Variants in ST8SIA2 observed in about 807,000 individuals in gnomAD.
The protein encoded by ST8SIA2 is alpha-2,8-sialyltransferase 8B.
ST8SIA2 carries 22 observed loss-of-function variants against 37.6 expected under a neutral mutation model. That is an observed-to-expected ratio of 0.58 (90% CI 0.42 to 0.83). The LOEUF (loss-of-function observed/expected upper bound fraction) is 0.83. Ranked by LOEUF, ST8SIA2 falls within the 40% of genes least tolerant of loss-of-function variation. The probability of loss-of-function intolerance (pLI) is 0.00; values close to 1 mark genes in which losing one functional copy is unlikely to be tolerated. For missense variants in ST8SIA2, 382 were observed against 484.7 expected (o/e 0.79, Z 1.99); for synonymous variants, 205 against 201.2 (o/e 1.02, Z -0.16).
intron 1 of ST8SIA2, among the ~76,000 whole-genome samples, chr15:92,407,805 G>A (rs1386580758): frequency 6.6e-6 from 1 of 152,178 alleles, no homozygotes; most frequent in Non-Finnish European, 1.5e-5. Flanking sequence ...TTCTATTTAG[G>A]GCAAGGGATA....
intron 1 of ST8SIA2, among the ~76,000 whole-genome samples, chr15:92,399,465 A>T (rs2141795520): frequency 6.6e-6 from 1 of 152,338 alleles, no homozygotes; most frequent in South Asian, 2.1e-4. Context: ...GGCAGCAACT[A>T]CTGCCAACAG....
At chr15:92,428,337 T>C (rs1004511421) in intron 1 of ST8SIA2, among the ~76,000 whole-genome samples, 3 of 152,218 alleles carry the variant, frequency 2.0e-5, no homozygotes, top group Non-Finnish European at 4.4e-5. Context: ...CCGTGATGTT[T>C]TTTCTGTCTA....
chr15:92,450,468 G>A (rs1234520983), intron 5 of ST8SIA2, among the ~76,000 whole-genome samples: 1 of 152,188 alleles, frequency 6.6e-6, no homozygotes, highest in Non-Finnish European at 1.5e-5. Flanking sequence ...TTAATTGGCT[G>A]ACAGTTCTGC....
chr15:92,452,595 C>G (rs2049889472), intron 5 of ST8SIA2, among the ~76,000 whole-genome samples: 1 of 152,194 alleles, frequency 6.6e-6, no homozygotes, highest in Non-Finnish European at 1.5e-5. Context: ...CTGATGAATG[C>G]TTAAAGATGG....
intron 5 of ST8SIA2, among the ~76,000 whole-genome samples, chr15:92,456,766 C>T (rs556488851): frequency 4.6e-5 from 7 of 152,256 alleles, no homozygotes; most frequent in South Asian, 4.1e-4. Flanking sequence ...CTCACAAGCC[C>T]GATGGAGGCT....
Position 92,393,966 on chromosome 15 carries a change from C to G in ST8SIA2, c.-99C>G. 2 of 740,846 alleles carry G rather than the reference C, an allele frequency of 2.7e-6. No individual in the cohort carries two copies. The highest frequency in any genetic ancestry group is 3.8e-6 in the Non-Finnish European group (2 of 523,904). 45.9% of individuals were successfully genotyped at this position (740,846 alleles called of 1,614,324 possible). On this transcript the variant is annotated 5_prime_UTR_variant, in exon 1 of 6. Transcript: ENST00000268164. Reference sequence around the variant, plus strand: ...TCCGGAGCGCAGGGTGTCTGCCCAGCTGCGCGCGGCGCGCGGAGGCTCCGG... The same window carrying G: ...TCCGGAGCGCAGGGTGTCTGCCCAGGTGCGCGCGGCGCGCGGAGGCTCCGG...
Position 92,407,498 on chromosome 15 carries a change from C to G in ST8SIA2, c.98+13336C>G, listed in dbSNP as rs553440709. On this transcript the variant is annotated intron_variant, in intron 1 of 5. Coordinates refer to ENST00000268164, the MANE Select transcript of ST8SIA2 (RefSeq NM_006011.4). Reference sequence around the variant, plus strand: ...TCATTAAGCCCTCCAATGAGCTTGGCTGGGATGCGATCTTTCACACAGCAC... The same window carrying G: ...TCATTAAGCCCTCCAATGAGCTTGGGTGGGATGCGATCTTTCACACAGCAC... Among the ~76,000 whole-genome samples, 10 of 152,336 alleles carry G rather than the reference C, an allele frequency of 6.6e-5. No homozygotes were observed. In the East Asian group the frequency reaches 1.2e-3, roughly 18 times the overall value.
chr15:92,448,921 CCT>C (rs2049861969), intron 5 of ST8SIA2, among the ~76,000 whole-genome samples: 1 of 151,678 alleles, frequency 6.6e-6, no homozygotes, highest in Admixed American at 6.6e-5. Flanking sequence ...CAATAAACCC[CCT>C]GTTTATAGGG....
At chr15:92,447,452 G>A (rs2049850308) in intron 5 of ST8SIA2, among the ~76,000 whole-genome samples, 1 of 152,260 alleles carries the variant, frequency 6.6e-6, no homozygotes, top group Middle Eastern at 3.4e-3. Flanking sequence ...TTGGGGTCAG[G>A]CCCTATACCC....
chr15:92,437,084 C>T (rs1042056776), intron 3 of ST8SIA2, among the ~76,000 whole-genome samples: 3 of 152,132 alleles, frequency 2.0e-5, no homozygotes, highest in Non-Finnish European at 2.9e-5. Context: ...TTACTATCTG[C>T]GAGATGGGAC....
At chr15:92,458,502 G>T (rs2049934924) in intron 5 of ST8SIA2, among the ~76,000 whole-genome samples, 1 of 152,194 alleles carries the variant, frequency 6.6e-6, no homozygotes, top group Admixed American at 6.5e-5. Flanking sequence ...GGGGTGTAAG[G>T]TGTGGTCCCT....
In ST8SIA2 at chr15:92,418,875, T is replaced by C. The variant is rs147532219; in HGVS notation, c.99-11174T>C. ...CCATTTTAAATGAAGTCGTAAAGTG[T>C]TGTGAGGGGATGACGTAAAATAAAG... On this transcript the variant is annotated intron_variant, in intron 1 of 5. Coordinates refer to ENST00000268164, the MANE Select transcript of ST8SIA2 (RefSeq NM_006011.4). Among the ~76,000 whole-genome samples the C allele has an allele frequency of 5.1e-3, 778 of 152,180 alleles. 8 individuals carry two copies. The highest frequency in any genetic ancestry group is 0.018 in the African/African-American group (729 of 41,522).
chr15:92,421,424 C>A (rs1361198125), intron 1 of ST8SIA2: 2 of 152,128 alleles, frequency 1.3e-5, no homozygotes, highest in Non-Finnish European at 2.9e-5. Context: ...GGCTTGTCCT[C>A]CAGCCAAAAA....
rs549760761 is a variant in ST8SIA2, at chr15:92,447,102, G to A, written c.842+2173G>A. The stretch of plus-strand genomic sequence containing the variant: ...TGCAATAGCTCTGGCAGGAAATAAT[G>A]ATGGCTTAGGCTAGGATTATGGCAT... On this transcript the variant is annotated intron_variant, in intron 5 of 5. Coordinates refer to ENST00000268164, the MANE Select transcript of ST8SIA2 (RefSeq NM_006011.4). 3.9e-5 allele frequency among the ~76,000 whole-genome samples: 6 copies of A among 152,310 alleles called. No individual in the cohort carries two copies. The East Asian group carries it at 5.8e-4, about 15-fold the overall frequency.
chr15:92,451,185 A>C (rs1436159186), intron 5 of ST8SIA2, among the ~76,000 whole-genome samples: 1 of 152,214 alleles, frequency 6.6e-6, no homozygotes, highest in Non-Finnish European at 1.5e-5. Context: ...CCAGGAACTG[A>C]ACTGCATTCT....
At chr15:92,447,760 A>G (rs563273223) in intron 5 of ST8SIA2, among the ~76,000 whole-genome samples, 1 of 152,312 alleles carries the variant, frequency 6.6e-6, no homozygotes, top group East Asian at 1.9e-4. Context: ...TGTGTGTCTG[A>G]TGGAGCCAGA....
intron 1 of ST8SIA2, among the ~76,000 whole-genome samples, chr15:92,402,821 C>T (rs1319162627): frequency 6.6e-6 from 1 of 151,910 alleles, no homozygotes; most frequent in African/African-American, 2.4e-5. Context: ...GGCTCCGGAG[C>T]ATGGCATTTG....
At chr15:92,412,100 G>A (rs2049553442) in intron 1 of ST8SIA2, among the ~76,000 whole-genome samples, 1 of 152,116 alleles carries the variant, frequency 6.6e-6, no homozygotes, top group Non-Finnish European at 1.5e-5. Flanking sequence ...GGAATTGTGG[G>A]GTGAAGCGAG....
rs760271475 is a variant in ST8SIA2 at position 92,438,347 on chromosome 15, T to C, written c.291-6T>C. 3.1e-6 allele frequency: 5 copies of C among 1,614,068 alleles called. No homozygotes were observed. The East Asian group carries it at 8.9e-5, about 29-fold the overall frequency. ...GAATTTCCTCACGCATGTTTGGTTT[T>C]CACAGGAAGCAGATTTTAAAGTTCT... On this transcript the variant is annotated splice_region_variant and splice_polypyrimidine_tract_variant and intron_variant, in intron 3 of 5. Coordinates refer to ENST00000268164, the MANE Select transcript of ST8SIA2 (RefSeq NM_006011.4).
Sources: gnomAD v4.1 joint callset for allele counts (sites outside exome capture counted in the v4.1 genomes callset) on GRCh38, gnomAD v4.1.1 for gene constraint, MANE v1.5 for transcripts, NCBI Gene and HGNC (gene_info 2026-07-23, HGNC 2026-07-21) for gene names.